Variants in NHSL1 observed in about 807,000 individuals in gnomAD.
The protein encoded by NHSL1 is NHS like 1.
In NHSL1, 48 loss-of-function variants were observed where a neutral mutation model predicts 95.0. That is an observed-to-expected ratio of 0.51 (90% CI 0.40 to 0.64). The LOEUF is 0.64. NHSL1 is among the 30% of genes least tolerant of loss of function. NHSL1 has a pLI of 0.00. For synonymous variants in NHSL1, 783 were observed against 833.9 expected (o/e 0.94, Z 1.05); for missense variants, 1,971 against 2,077.7 (o/e 0.95, Z 1.00).
intron 4 of NHSL1, among the ~76,000 whole-genome samples, chr6:138,445,479 TGCTG>T (rs1161805347): frequency 6.6e-6 from 1 of 151,402 alleles, no homozygotes; most frequent in Non-Finnish European, 1.5e-5. Flanking sequence ...TAACACTGTT[TGCTG>T]AGAAAATGGC....
At chr6:138,490,665 ACT>A (rs967998407) in intron 2 of NHSL1, among the ~76,000 whole-genome samples, 2 of 151,804 alleles carry the variant, frequency 1.3e-5, no homozygotes, top group Non-Finnish European at 2.9e-5. Flanking sequence ...AGACAGTCTC[ACT>A]CTGTCACCAG....
chr6:138,454,603 G>T (rs1777463064), intron 3 of NHSL1, among the ~76,000 whole-genome samples: 1 of 152,090 alleles, frequency 6.6e-6, no homozygotes, highest in Admixed American at 6.5e-5. Flanking sequence ...TATGGTAATG[G>T]TCTCCTGTGT....
intron 1 of NHSL1, among the ~76,000 whole-genome samples, chr6:138,665,511 C>A (rs767178766): frequency 6.6e-6 from 1 of 152,202 alleles, no homozygotes; most frequent in Non-Finnish European, 1.5e-5. Context: ...GTCCTTTGCA[C>A]TTTACCAGCA....
At chr6:138,550,069 A>G (rs1006175980), upstream of NHSL1, among the ~76,000 whole-genome samples, 2 of 152,004 alleles carry the variant, frequency 1.3e-5, no homozygotes, top group Non-Finnish European at 2.9e-5. Context: ...GCGAAACCCC[A>G]TCTCTACTAA....
Position 138,432,426 on chromosome 6 carries a change from A to G in NHSL1, c.1919T>C (p.Phe640Ser). 1 of 1,552,340 alleles carries G rather than the reference A, an allele frequency of 6.4e-7. No individual in the cohort carries two copies. The highest frequency in any genetic ancestry group is 8.7e-7 in the Non-Finnish European group (1 of 1,147,136). The part of the protein sequence containing the change: ...GNPRHSVINV[F>S]VGRAQKNQGD... ...TTGGTTTTTCTGAGCTCTTCCAACA[A>G]AAACATTGATCACGCTGTGCCTGGG... is the stretch of plus-strand genomic sequence containing the variant. Residue 640 changes from phenylalanine (F) to serine (S), a missense_variant, in exon 6 of 8, where the codon TTT becomes TCT. Around this residue, in one of 3 missense-constraint regions of NHSL1, gnomAD observed 1,602 missense variants for 1,654.5 expected, o/e 0.97. Transcript: ENST00000343505. This position sits in a 1 kb window ranked among gnomAD's most constrained non-coding sequence, Gnocchi z 4.4.
intron 3 of NHSL1, chr6:138,464,401 C>G (rs981208243): frequency 1.2e-5 from 5 of 408,476 alleles, no homozygotes; most frequent in African/African-American, 4.2e-5. Context: ...GAAGACAGGT[C>G]AGGGCAGGAA....
At chr6:138,541,540 G>C (rs1782581201) in intron 1 of NHSL1, among the ~76,000 whole-genome samples, 1 of 152,188 alleles carries the variant, frequency 6.6e-6, no homozygotes, top group Non-Finnish European at 1.5e-5. Context: ...GGGGGACTTA[G>C]CAACAGAGTC....
chr6:138,430,448 G>C lies in NHSL1; in HGVS notation c.3897C>G (p.Asn1299Lys). Residue 1299 changes from asparagine to lysine, a missense_variant, in exon 6 of 8, where the codon AAC becomes AAG. Asn to Lys is a moderately conservative substitution (Grantham distance 94). This residue lies in a region of NHSL1 where 1,602 missense variants were observed against 1,654.5 expected (regional missense o/e 0.97). Transcript: ENST00000343505. The surrounding 1 kb of genome is among the most constrained non-coding windows in gnomAD (Gnocchi z 4.7). ...CCCCATCGCCCCCAGTATCCGCACT[G>C]TTCTCGGCTGGCTCCTCCTGCTTGG... ...PAPKQEEPAENSADTGGDGES... is the reference protein window; with the variant it reads ...PAPKQEEPAEKSADTGGDGES... 2 of 1,544,598 alleles carry C rather than the reference G, an allele frequency of 1.3e-6. No homozygotes were observed. Among genetic ancestry groups the C allele is most frequent in the Non-Finnish European group, 1.7e-6 (2 of 1,143,130 alleles).
intron 1 of NHSL1, among the ~76,000 whole-genome samples, chr6:138,529,748 C>T (rs565563517): frequency 6.6e-6 from 1 of 152,218 alleles, no homozygotes. Flanking sequence ...TCTCAACTTC[C>T]GCTCTGCCAT....
At chr6:138,527,826 T>C (rs1212104174) in intron 1 of NHSL1, among the ~76,000 whole-genome samples, 1 of 152,218 alleles carries the variant, frequency 6.6e-6, no homozygotes, top group African/African-American at 2.4e-5. Flanking sequence ...TTAAAGTTCA[T>C]GAAGCTCTTA....
At chr6:138,468,461 A>C (rs925466696) in intron 3 of NHSL1, among the ~76,000 whole-genome samples, 1 of 152,194 alleles carries the variant, frequency 6.6e-6, no homozygotes, top group Non-Finnish European at 1.5e-5. Flanking sequence ...AGCAAGCATT[A>C]CTGCCTGAGC....
chr6:138,613,736 A>G (rs2114605951), intron 1 of NHSL1, among the ~76,000 whole-genome samples: 1 of 152,300 alleles, frequency 6.6e-6, no homozygotes. Flanking sequence ...GAATAAGGAC[A>G]TTTGATAAGA....
At chr6:138,676,238 T>G (rs1785446772) in intron 1 of NHSL1, among the ~76,000 whole-genome samples, 1 of 151,996 alleles carries the variant, frequency 6.6e-6, no homozygotes, top group Non-Finnish European at 1.5e-5. Context: ...CAAAAAAAGA[T>G]CCAAAAACCT....
intron 1 of NHSL1, among the ~76,000 whole-genome samples, chr6:138,597,134 C>A (rs1784312657): frequency 1.3e-5 from 2 of 152,104 alleles, no homozygotes; most frequent in South Asian, 4.1e-4. Flanking sequence ...GCACTCCAGC[C>A]TGGGCGACAG....
chr6:138,476,910 T>C (rs1435995652), intron 2 of NHSL1, among the ~76,000 whole-genome samples: 2 of 144,626 alleles, frequency 1.4e-5, no homozygotes, highest in Non-Finnish European at 3.0e-5. Flanking sequence ...AGCTCACCAT[T>C]ACACAATATA....
Position 138,578,735 on chromosome 6 carries a change from T to C in NHSL1, c.97-82364A>G, listed in dbSNP as rs116892656. On this transcript the variant is annotated intron_variant, in intron 1 of 3. Transcript: ENST00000491526. ...AAATTGTATTAAGCACTTAAAATCA[T>C]AGGAGATCTTATTGAAATGCAGAGT... 1.1e-3 allele frequency among the ~76,000 whole-genome samples: 165 copies of C among 152,270 alleles called. 1 individual carries two copies. The highest frequency in any genetic ancestry group is 1.6e-3 in the Non-Finnish European group (106 of 68,018).
rs184023705 is a variant in NHSL1, at chr6:138,676,315, C to T, written c.96+16161G>A. Among the ~76,000 whole-genome samples, 185 of 152,194 alleles carry T rather than the reference C, an allele frequency of 1.2e-3. 1 individual carries two copies. Among genetic ancestry groups the T allele is most frequent in the Non-Finnish European group, 1.8e-3 (124 of 68,004 alleles). On this transcript the variant is annotated intron_variant, in intron 1 of 3. Coordinates refer to the NHSL1 transcript ENST00000491526. ...AAAACTCAACCAGAACATAAGGACACTCACTAGGAAACCTTACATTATTAA... is the reference window on the plus strand; with the variant it reads ...AAAACTCAACCAGAACATAAGGACATTCACTAGGAAACCTTACATTATTAA...
upstream of NHSL1, among the ~76,000 whole-genome samples, chr6:138,499,707 A>G (rs1780571628): frequency 6.6e-6 from 1 of 152,210 alleles, no homozygotes; most frequent in Non-Finnish European, 1.5e-5. Flanking sequence ...CCTCTACGGA[A>G]GTCAAGATGA....
intron 1 of NHSL1, among the ~76,000 whole-genome samples, chr6:138,553,714 G>T (rs1166141110): frequency 1.3e-5 from 2 of 152,138 alleles, no homozygotes; most frequent in Non-Finnish European, 2.9e-5. Context: ...ACACATGACG[G>T]TATTAAAACT....
Sources: gnomAD v4.1 joint callset for allele counts (sites outside exome capture counted in the v4.1 genomes callset) on GRCh38, gnomAD v4.1.1 for gene constraint, gnomAD v4.1.1 regional missense constraint, Gnocchi (gnomAD v3.1) non-coding constraint, MANE v1.5 for transcripts, NCBI Gene and HGNC (gene_info 2026-07-23, HGNC 2026-07-21) for gene names.